The following RAB23 variants were observed in gnomAD, a reference collection of about 807,000 sequenced individuals.
RAB23 encodes RAB23, member RAS oncogene family, also known as ras-related protein Rab-23.
In RAB23, 15 loss-of-function variants were observed where a neutral mutation model predicts 30.0. The observed-to-expected ratio is 0.50, with a 90% CI of 0.33 to 0.77. The LOEUF (loss-of-function observed/expected upper bound fraction) is 0.77, where lower values mean the gene tolerates loss of function less well. RAB23 is among the 30% of genes least tolerant of loss of function. RAB23 has a pLI of 0.02. For missense variants in RAB23, 243 were observed against 275.4 expected, an observed-to-expected ratio of 0.88 and a Z score of 0.83; for synonymous variants, 93 against 94.0, an observed-to-expected ratio of 0.99 and a Z score of 0.06.
At chr6:57,211,781 A>G (rs181519697) in intron 1 of RAB23, among the ~76,000 whole-genome samples, 3 of 152,376 alleles carry the variant, frequency 2.0e-5, no homozygotes, top group Admixed American at 2.0e-4. Context: ...TTGCATTTTA[A>G]GAATGAAAAG....
In RAB23 at chr6:57,189,277, T is replaced by C. The variant is rs1764738977; in HGVS notation, c.*1184A>G. 6.6e-6 allele frequency: 1 copy of C among 152,206 alleles called. No individual in the cohort carries two copies. The highest frequency in any genetic ancestry group is 2.1e-4 in the South Asian group (1 of 4,826). 9.4% of individuals were successfully genotyped at this position (152,206 alleles called of 1,614,324 possible). On this transcript the variant is annotated 3_prime_UTR_variant, in exon 7 of 7. Transcript: ENST00000468148. ...CAAGGTTATAGAAATGTTGAAGTGA[T>C]TGATAATCTTAAAATACCATACAAA...
At chr6:57,208,464 T>C (rs1353636881) in intron 2 of RAB23, among the ~76,000 whole-genome samples, 1 of 152,004 alleles carries the variant, frequency 6.6e-6, no homozygotes. Flanking sequence ...CTGGCCAACA[T>C]GGCGAAACCC....
intron 1 of RAB23, among the ~76,000 whole-genome samples, chr6:57,216,616 G>A (rs764439597): frequency 6.6e-6 from 1 of 152,180 alleles, no homozygotes; most frequent in Non-Finnish European, 1.5e-5. Context: ...TGACATGAAA[G>A]CAAGTTTATT....
chr6:57,205,252 G>A (rs1043889807), intron 3 of RAB23, among the ~76,000 whole-genome samples: 3 of 151,212 alleles, frequency 2.0e-5, no homozygotes, highest in East Asian at 1.9e-4. Context: ...ATGTGTGTGT[G>A]TATATATATA....
chr6:57,203,268 A>C (rs1163387870), intron 3 of RAB23, among the ~76,000 whole-genome samples: 9 of 152,150 alleles, frequency 5.9e-5, no homozygotes, highest in Non-Finnish European at 1.3e-4. Context: ...AGCCTCCCAA[A>C]GTGCTGGGAT....
chr6:57,190,351 G>C lies in RAB23; in HGVS notation c.*110C>G. 1 of 1,268,014 alleles carries C rather than the reference G, an allele frequency of 7.9e-7. No individual in the cohort carries two copies. Among genetic ancestry groups the C allele is most frequent in the South Asian group, 1.2e-5 (1 of 82,770 alleles). 78.5% of individuals were successfully genotyped at this position (1,268,014 alleles called of 1,614,324 possible). A position where few individuals can be genotyped will look rare whatever the true frequency, so the allele number is the denominator to read the frequency against. On this transcript the variant is annotated 3_prime_UTR_variant, in exon 7 of 7. Coordinates refer to ENST00000468148, the MANE Select transcript of RAB23 (RefSeq NM_016277.5). ...AATATTTAAGTCTGTCACTTTCAGA[G>C]AGCCATTAGGAGCAAAGTCTGCTGA...
Position 57,207,834 on chromosome 6 carries a change from T to C in RAB23, c.156-121A>G, listed in dbSNP as rs1765504356. 3 of 688,058 alleles carry C rather than the reference T, an allele frequency of 4.4e-6. No homozygotes were observed. In the African/African-American group the frequency reaches 5.4e-5, roughly 12 times the overall value. 42.6% of individuals were successfully genotyped at this position (688,058 alleles called of 1,614,324 possible). On this transcript the variant is annotated intron_variant, in intron 2 of 6. Transcript: ENST00000468148. ...AAAACTACAAATGCTCCTTGACTTA[T>C]GATGGGTTGTCCCAATAAACCTACT... is the stretch of plus-strand genomic sequence containing the variant.
chr6:57,207,573 A>AT, intron 3 of RAB23, 55 bp downstream of exon 3: 1 of 1,296,134 alleles, frequency 7.7e-7, no homozygotes, highest in Non-Finnish European at 1.1e-6. Context: ...AAAATTATTT[A>AT]TTTAGCCAAA....
At chr6:57,198,413 C>T (rs548797830) in intron 3 of RAB23, among the ~76,000 whole-genome samples, 149 of 152,240 alleles carry the variant, frequency 9.8e-4, no homozygotes, top group Non-Finnish European at 1.7e-3. Flanking sequence ...ACTTGGGAGG[C>T]TGAGGCAGGA....
At chr6:57,214,252 G>T (rs915739534) in intron 1 of RAB23, among the ~76,000 whole-genome samples, 43 of 152,314 alleles carry the variant, frequency 2.8e-4, no homozygotes, top group African/African-American at 1.0e-3. Flanking sequence ...AGCCAGGGTG[G>T]TATCAGTGGC....
At chr6:57,216,835 G>A (rs941978628) in intron 1 of RAB23, among the ~76,000 whole-genome samples, 6 of 122,404 alleles carry the variant, frequency 4.9e-5, no homozygotes, top group Admixed American at 2.4e-4. Flanking sequence ...AGACGTTGCC[G>A]CGGCATTTAT....
intron 1 of RAB23, 32 bp from the exon 2 acceptor site, chr6:57,210,477 A>T: frequency 7.8e-7 from 1 of 1,289,750 alleles, no homozygotes; most frequent in Non-Finnish European, 1.1e-6. Context: ...TTTTTTCATA[A>T]CACAAAAATG....
chr6:57,196,715 C>G (rs1765036561), intron 3 of RAB23, 109 bp from the exon 4 acceptor site: 3 of 1,382,998 alleles, frequency 2.2e-6, no homozygotes, highest in Non-Finnish European at 3.0e-6. Context: ...TTTATCCATT[C>G]AAAACAACTT....
chr6:57,188,802 T>A lies in RAB23; in HGVS notation c.*1659A>T, dbSNP rs1764716897. 6.6e-6 allele frequency: 1 copy of A among 152,224 alleles called. No individual in the cohort carries two copies. Among genetic ancestry groups the A allele is most frequent in the Non-Finnish European group, 1.5e-5 (1 of 68,028 alleles). The allele number at this position is 152,224 out of a possible 1,614,324, so 9.4% of individuals were successfully genotyped here. On this transcript the variant is annotated 3_prime_UTR_variant, in exon 7 of 7. Coordinates refer to ENST00000468148, the MANE Select transcript of RAB23 (RefSeq NM_016277.5). ...CAAAAATTTACTTTTTAATTTTTTT[T>A]ATTTTTCCATCTAAAATGGCAAAGA...
At chr6:57,202,052 A>G (rs1765288559) in intron 3 of RAB23, among the ~76,000 whole-genome samples, 1 of 152,234 alleles carries the variant, frequency 6.6e-6, no homozygotes, top group South Asian at 2.1e-4. Flanking sequence ...GAATTATAAT[A>G]AAATTGTTCT....
intron 3 of RAB23, among the ~76,000 whole-genome samples, chr6:57,199,663 G>A (rs954645253): frequency 2.0e-5 from 3 of 152,128 alleles, no homozygotes; most frequent in Admixed American, 1.3e-4. Context: ...GTCCTAAGAA[G>A]ATAAATTACA....
In RAB23 at chr6:57,193,860, A is replaced by C; in HGVS notation, c.556T>G (p.Ser186Ala). ...QIAEDPELTHSSSNKIGVFNT... is the reference protein window; with the variant it reads ...QIAEDPELTHASSNKIGVFNT... ...TACTTACCAATCTTGTTACTACTTGAATGCGTTAGTTCTGGATCCTCAGCT... is the reference window on the plus strand; with the variant it reads ...TACTTACCAATCTTGTTACTACTTGCATGCGTTAGTTCTGGATCCTCAGCT... The change falls in exon 6 of 7, where the codon TCA (serine) becomes GCA (alanine). Residue 186 changes from serine (S) to alanine (A), a missense_variant. Physicochemically the swap from Ser to Ala is moderately conservative, Grantham distance 99 (BLOSUM62 1). Coordinates refer to ENST00000468148, the MANE Select transcript of RAB23 (RefSeq NM_016277.5). 1.2e-6 allele frequency: 2 copies of C among 1,612,920 alleles called. No homozygotes were observed. Among genetic ancestry groups the C allele is most frequent in the Non-Finnish European group, 1.7e-6 (2 of 1,179,292 alleles).
chr6:57,211,575 T>C (rs1364537290), intron 1 of RAB23, among the ~76,000 whole-genome samples: 4 of 152,178 alleles, frequency 2.6e-5, no homozygotes, highest in African/African-American at 7.2e-5. Flanking sequence ...GGTAATAATG[T>C]CCCTAAAAAA....
chr6:57,208,766 T>C (rs1191315252), intron 2 of RAB23, among the ~76,000 whole-genome samples: 1 of 152,144 alleles, frequency 6.6e-6, no homozygotes, highest in Non-Finnish European at 1.5e-5. Flanking sequence ...ATGTGAACAC[T>C]GAATTAGCAA....
Sources: allele counts gnomAD v4.1 joint callset (sites outside exome capture counted in the v4.1 genomes callset), GRCh38; gene constraint gnomAD v4.1.1; transcripts MANE v1.5; gene names NCBI Gene and HGNC (gene_info 2026-07-23, HGNC 2026-07-21).